The following DCLK1 variants were observed in gnomAD, a reference collection of about 807,000 sequenced individuals.
DCLK1 encodes doublecortin like kinase 1.
Under a neutral mutation model 86.2 loss-of-function variants are expected in DCLK1, and 16 were observed. That is an observed-to-expected ratio of 0.19 (90% CI 0.13 to 0.28). The LOEUF is 0.28. Among genes scored for constraint, DCLK1 ranks in the 10% least tolerant of loss-of-function variants. The pLI is 1.00. For missense variants in DCLK1, 590 were observed against 940.2 expected (o/e 0.63, Z 4.87); for synonymous variants, 369 against 370.5 (o/e 1.00, Z 0.05).
intron 4 of DCLK1, among the ~76,000 whole-genome samples, chr13:35,888,577 A>T (rs1361673860): frequency 6.6e-6 from 1 of 152,182 alleles, no homozygotes; most frequent in African/African-American, 2.4e-5. Context: ...TATTGTAGTT[A>T]TACGAAGGCA....
At chr13:36,107,945 G>A (rs569641779) in intron 3 of DCLK1, among the ~76,000 whole-genome samples, 33 of 152,250 alleles carry the variant, frequency 2.2e-4, no homozygotes, top group African/African-American at 7.9e-4. Flanking sequence ...TGGGCAAGAG[G>A]AAGAGACTCT....
At position 36,093,653 on chromosome 13, in the gene DCLK1, C is replaced by T. The variant is rs531952069; in HGVS notation, c.723+18216G>A. ...AATCACCTGACTACAATCCATGTCCCTATGTTTCCAGTCCTTTTTTTTTCT... is the reference window on the plus strand; with the variant it reads ...AATCACCTGACTACAATCCATGTCCTTATGTTTCCAGTCCTTTTTTTTTCT... On this transcript the variant is annotated intron_variant, in intron 3 of 16. Coordinates refer to ENST00000360631, the MANE Select transcript of DCLK1 (RefSeq NM_001330071.2). Among the ~76,000 whole-genome samples, 180 of 152,222 alleles carry T rather than the reference C, an allele frequency of 1.2e-3. 1 individual carries two copies. The highest frequency in any genetic ancestry group is 4.2e-3 in the African/African-American group (173 of 41,532).
chr13:36,092,536 G>A (rs1884867167), intron 3 of DCLK1, among the ~76,000 whole-genome samples: 1 of 129,284 alleles, frequency 7.7e-6, no homozygotes, highest in Non-Finnish European at 1.6e-5. Context: ...GCCCAGGCTG[G>A]AGTGCAGTGG....
chr13:35,822,152 C>T (rs1170864584), intron 11 of DCLK1, among the ~76,000 whole-genome samples: 5 of 150,070 alleles, frequency 3.3e-5, no homozygotes, highest in African/African-American at 4.9e-5. Context: ...TCTTTCTTTT[C>T]TCTCTCTCTT....
At chr13:36,094,953 A>C (rs1373540416) in intron 3 of DCLK1, among the ~76,000 whole-genome samples, 1 of 152,194 alleles carries the variant, frequency 6.6e-6, no homozygotes, top group East Asian at 1.9e-4. Flanking sequence ...GAAGGACCAC[A>C]TGTCTATGTC....
intron 3 of DCLK1, among the ~76,000 whole-genome samples, chr13:36,044,347 T>C (rs1431143782): frequency 1.3e-5 from 2 of 152,144 alleles, no homozygotes; most frequent in Non-Finnish European, 2.9e-5. Flanking sequence ...AACACACTCA[T>C]GAAAATGGTA....
chr13:36,032,523 G>C (rs571641767), intron 3 of DCLK1, among the ~76,000 whole-genome samples: 1 of 152,144 alleles, frequency 6.6e-6, no homozygotes, highest in African/African-American at 2.4e-5. Flanking sequence ...CATGCCATTC[G>C]GTTTGGCTCT....
At chr13:35,966,262 A>G (rs997447344) in intron 3 of DCLK1, among the ~76,000 whole-genome samples, 2 of 152,226 alleles carry the variant, frequency 1.3e-5, no homozygotes, top group Non-Finnish European at 2.9e-5. Context: ...GAATTCCCAT[A>G]CAATCCAGCA....
chr13:36,028,284 A>G (rs1882123761), intron 3 of DCLK1, among the ~76,000 whole-genome samples: 1 of 152,346 alleles, frequency 6.6e-6, no homozygotes, highest in Admixed American at 6.5e-5. Context: ...ATAATTTGAG[A>G]TTTGACTAAG....
intron 3 of DCLK1, 78 bp downstream of exon 3, chr13:36,111,791 T>C (rs1566016984): frequency 6.0e-6 from 8 of 1,331,140 alleles, no homozygotes; most frequent in Non-Finnish European, 8.3e-6. Context: ...GAGCAAAATG[T>C]ATGCTTTAGC....
intron 12 of DCLK1, 63 bp from the exon 13 acceptor site, chr13:35,809,158 A>C (rs2087092431): frequency 9.4e-6 from 13 of 1,376,862 alleles, no homozygotes; most frequent in Middle Eastern, 3.7e-4. Context: ...GCAGCTTGGT[A>C]AAATCAATGA....
At chr13:35,911,843 C>A (rs1223697594) in intron 4 of DCLK1, among the ~76,000 whole-genome samples, 1 of 152,096 alleles carries the variant, frequency 6.6e-6, no homozygotes, top group Admixed American at 6.5e-5. Flanking sequence ...CAGCATCTGG[C>A]CCCAGCAGTG....
intron 4 of DCLK1, among the ~76,000 whole-genome samples, chr13:35,901,779 G>A (rs1346633828): frequency 6.6e-6 from 1 of 152,076 alleles, no homozygotes; most frequent in Non-Finnish European, 1.5e-5. Flanking sequence ...GCTGCCAGAA[G>A]ATACTGAACA....
intron 4 of DCLK1, among the ~76,000 whole-genome samples, chr13:35,896,220 A>G (rs561206968): frequency 1.3e-5 from 2 of 152,266 alleles, no homozygotes; most frequent in African/African-American, 4.8e-5. Context: ...CAACAAAGAA[A>G]AGTAAAAGTA....
chr13:35,957,039 AT>A (rs11290987), intron 3 of DCLK1, among the ~76,000 whole-genome samples: 140,687 of 152,148 alleles, frequency 0.92, 65,129 homozygotes, highest in East Asian at 0.98. Flanking sequence ...GGTGGTCACT[AT>A]TTTGAAAAGT....
At chr13:36,090,901 T>C (rs1419137101) in intron 3 of DCLK1, among the ~76,000 whole-genome samples, 2 of 152,124 alleles carry the variant, frequency 1.3e-5, no homozygotes, top group Non-Finnish European at 2.9e-5. Context: ...CCTGCACTGT[T>C]GTCACATGGC....
chr13:35,846,660 G>A, intron 6 of DCLK1: 1 of 985,344 alleles, frequency 1.0e-6, no homozygotes, highest in South Asian at 4.7e-5. Context: ...ATTGAATTCA[G>A]TGTATCTCTA....
chr13:35,825,865 T>C (rs573981548), intron 10 of DCLK1, among the ~76,000 whole-genome samples: 2 of 151,934 alleles, frequency 1.3e-5, no homozygotes, highest in South Asian at 4.2e-4. Context: ...CAGGCTAGAG[T>C]GCAATGGCGC....
At chr13:36,002,839 C>T (rs1880778704) in intron 3 of DCLK1, among the ~76,000 whole-genome samples, 1 of 152,154 alleles carries the variant, frequency 6.6e-6, no homozygotes, top group Non-Finnish European at 1.5e-5. Context: ...ATTATAAATT[C>T]CGAAGGAGCG....
Sources: allele counts gnomAD v4.1 joint callset (sites outside exome capture counted in the v4.1 genomes callset), GRCh38; gene constraint gnomAD v4.1.1; transcripts MANE v1.5; gene names NCBI Gene and HGNC (gene_info 2026-07-23, HGNC 2026-07-21).